NYAP2: variants seen among roughly 807,000 people sequenced by gnomAD.
NYAP2 encodes the protein neuronal tyrosine-phosphorylated phosphoinositide-3-kinase adapter 2.
A neutral mutation model predicts 50.4 loss-of-function variants in NYAP2; 23 were observed. That is an observed-to-expected ratio of 0.46 (90% CI 0.33 to 0.65). The LOEUF (loss-of-function observed/expected upper bound fraction) is 0.65. Among genes scored for constraint, NYAP2 ranks in the 30% least tolerant of loss-of-function variants. NYAP2 has a pLI of 0.02. For missense variants in NYAP2, 885 were observed against 861.0 expected (o/e 1.03, Z -0.35); for synonymous variants, 394 against 365.2 (o/e 1.08, Z -0.90).
At chr2:225,592,306 G>A (rs1248596204) in intron 5 of NYAP2, among the ~76,000 whole-genome samples, 1 of 152,078 alleles carries the variant, frequency 6.6e-6, no homozygotes, top group Non-Finnish European at 1.5e-5. Context: ...CTACTCCAAG[G>A]GGAAAAATAG....
chr2:225,677,915 G>A, the NYAP2 span, among the ~76,000 whole-genome samples: 3 of 152,068 alleles, frequency 2.0e-5, no homozygotes, highest in African/African-American at 4.8e-5. Context: ...GTATCAGGAT[G>A]AGGCTGACTT....
chr2:225,411,292 G>T (rs888573772), intron 3 of NYAP2, among the ~76,000 whole-genome samples: 2 of 152,056 alleles, frequency 1.3e-5, no homozygotes, highest in African/African-American at 2.4e-5. Flanking sequence ...ATTAGAGGTG[G>T]CCCTCAGGTT....
chr2:225,419,464 A>T (rs770417910), intron 3 of NYAP2, among the ~76,000 whole-genome samples: 28 of 152,212 alleles, frequency 1.8e-4, no homozygotes, highest in Non-Finnish European at 3.5e-4. Context: ...GTGAAACGGA[A>T]CATAGTAGTG....
chr2:225,701,981 A>T, the NYAP2 span: 4 of 151,780 alleles, frequency 2.6e-5, no homozygotes, highest in African/African-American at 9.7e-5. Context: ...TAATAAAATA[A>T]GACATCAACA....
intron 3 of NYAP2, among the ~76,000 whole-genome samples, chr2:225,432,991 T>C (rs911940855): frequency 1.3e-5 from 2 of 152,192 alleles, no homozygotes; most frequent in African/African-American, 4.8e-5. Context: ...CTGGGTCACA[T>C]GACTATGCCT....
At chr2:225,472,841 G>A (rs1690034733) in intron 3 of NYAP2, among the ~76,000 whole-genome samples, 1 of 151,802 alleles carries the variant, frequency 6.6e-6, no homozygotes, top group Non-Finnish European at 1.5e-5. Context: ...TAAGTTCTAG[G>A]GTACATGTGC....
chr2:225,507,440 G>A (rs930385334), intron 3 of NYAP2, among the ~76,000 whole-genome samples: 2 of 152,196 alleles, frequency 1.3e-5, no homozygotes, highest in Non-Finnish European at 2.9e-5. Context: ...ACAAACTGTG[G>A]TGATTAGCAT....
At chr2:225,678,950 A>G in the NYAP2 span, among the ~76,000 whole-genome samples, 1 of 152,164 alleles carries the variant, frequency 6.6e-6, no homozygotes. Flanking sequence ...AGAATAGAGG[A>G]TAATGGTAAT....
At chr2:225,553,895 G>A (rs1276480976) in intron 4 of NYAP2, among the ~76,000 whole-genome samples, 3 of 151,948 alleles carry the variant, frequency 2.0e-5, no homozygotes, top group Non-Finnish European at 4.4e-5. Context: ...AAGTTAGCTT[G>A]GCATGGTATT....
rs146537700 is a variant in NYAP2, at chr2:225,542,783, A to G, written c.523+29111A>G. Among the ~76,000 whole-genome samples the G allele has an allele frequency of 6.5e-3, 982 of 152,168 alleles. 5 individuals carry two copies. The highest frequency in any genetic ancestry group is 0.027 in the Middle Eastern group (8 of 294). ...ATCAGGATAAGACTGGCCTCATTAA[A>G]TGGTTTTGGGAGTATTCTTTTCTCC... is the stretch of plus-strand genomic sequence containing the variant. On this transcript the variant is annotated intron_variant, in intron 4 of 6. Transcript: ENST00000636099.
the NYAP2 span, chr2:225,701,320 A>C: frequency 6.6e-6 from 1 of 151,800 alleles, no homozygotes; most frequent in African/African-American, 2.4e-5. Context: ...GATAAAGCTC[A>C]TATTTCTAGC....
intron 3 of NYAP2, among the ~76,000 whole-genome samples, chr2:225,500,707 T>C (rs1042734857): frequency 8.5e-5 from 13 of 152,196 alleles, no homozygotes; most frequent in African/African-American, 3.1e-4. Flanking sequence ...AGAGCTGACA[T>C]GAAAACTTTT....
intron 5 of NYAP2, among the ~76,000 whole-genome samples, chr2:225,600,902 C>T (rs114923058): frequency 3.0e-4 from 46 of 152,140 alleles, no homozygotes; most frequent in Non-Finnish European, 6.0e-4. Context: ...TTTTTTAAGG[C>T]GGAATAATAT....
chr2:225,509,179 T>A (rs1458951095), intron 3 of NYAP2, among the ~76,000 whole-genome samples: 1 of 152,158 alleles, frequency 6.6e-6, no homozygotes, highest in African/African-American at 2.4e-5. Flanking sequence ...GAGAGACTAA[T>A]CTCTCATTCG....
At chr2:225,655,925 CACATACACACAT>C (rs1245298448), downstream of NYAP2, among the ~76,000 whole-genome samples, 72 of 104,474 alleles carry the variant, frequency 6.9e-4, no homozygotes, top group African/African-American at 1.6e-3. Context: ...CACACACACA[CACATACACACAT>C]ACACACACAC....
intron 3 of NYAP2, among the ~76,000 whole-genome samples, chr2:225,497,386 A>T (rs1427258951): frequency 2.0e-5 from 3 of 152,146 alleles, no homozygotes; most frequent in Non-Finnish European, 4.4e-5. Flanking sequence ...TTAGTGATTC[A>T]CATTTACATG....
chr2:225,537,651 G>A (rs566217303), intron 4 of NYAP2, among the ~76,000 whole-genome samples: 1 of 152,084 alleles, frequency 6.6e-6, no homozygotes, highest in South Asian at 2.1e-4. Flanking sequence ...ATTTGGGTGG[G>A]GACACAGCCA....
intron 3 of NYAP2, among the ~76,000 whole-genome samples, chr2:225,417,296 C>G (rs1282069641): frequency 6.6e-6 from 1 of 152,024 alleles, no homozygotes; most frequent in Non-Finnish European, 1.5e-5. Context: ...TTGAGGTAGC[C>G]TAAAGAAAAT....
chr2:225,575,814 A>C (rs1003687731), intron 4 of NYAP2, among the ~76,000 whole-genome samples: 1 of 152,248 alleles, frequency 6.6e-6, no homozygotes, highest in Non-Finnish European at 1.5e-5. Context: ...GTTCTGGCTT[A>C]GGATTTTCCA....
Sources: gnomAD v4.1 joint callset for allele counts (sites outside exome capture counted in the v4.1 genomes callset) on GRCh38, gnomAD v4.1.1 for gene constraint, MANE v1.5 for transcripts, NCBI Gene and HGNC (gene_info 2026-07-23, HGNC 2026-07-21) for gene names.